Variants in KIF26B observed in about 807,000 individuals in gnomAD.
KIF26B encodes the protein kinesin family member 26B.
A neutral mutation model predicts 151.2 loss-of-function variants in KIF26B; 63 were observed. That is an observed-to-expected ratio of 0.42 (90% CI 0.34 to 0.51). The LOEUF (loss-of-function observed/expected upper bound fraction) is 0.51, where lower values mean the gene tolerates loss of function less well. Ranked by LOEUF, KIF26B falls within the 20% of genes least tolerant of loss-of-function variation. KIF26B has a pLI of 0.07. For synonymous variants in KIF26B, 1,357 were observed against 1,262.1 expected, an observed-to-expected ratio of 1.08 and a Z score of -1.59; for missense variants, 2,813 against 2,913.6, an observed-to-expected ratio of 0.97 and a Z score of 0.79.
intron 2 of KIF26B, among the ~76,000 whole-genome samples, chr1:245,207,312 G>GT (rs919656202): frequency 1.1e-4 from 16 of 152,312 alleles, no homozygotes; most frequent in Non-Finnish European, 2.1e-4. Flanking sequence ...GAGGGAAAGG[G>GT]TTTTTTTCAT....
chr1:245,199,756 T>A (rs1265537643), intron 2 of KIF26B, among the ~76,000 whole-genome samples: 1 of 152,172 alleles, frequency 6.6e-6, no homozygotes, highest in East Asian at 1.9e-4. Context: ...AGTGCTGGGA[T>A]TACAGGAGTG....
chr1:245,377,992 C>T (rs1167785256), intron 3 of KIF26B, among the ~76,000 whole-genome samples: 1 of 152,100 alleles, frequency 6.6e-6, no homozygotes, highest in African/African-American at 2.4e-5. Flanking sequence ...AGAATAACAG[C>T]CTCCTCTTCT....
chr1:245,522,839 A>G (rs1253757585), intron 4 of KIF26B, among the ~76,000 whole-genome samples: 1 of 152,236 alleles, frequency 6.6e-6, no homozygotes, highest in Non-Finnish European at 1.5e-5. Context: ...CAGGGCTTAC[A>G]GCAAAGGCAT....
chr1:245,238,977 CT>C, intron 2 of KIF26B, among the ~76,000 whole-genome samples: 1 of 152,336 alleles, frequency 6.6e-6, no homozygotes, highest in East Asian at 1.9e-4. Flanking sequence ...TGGTAGCAAA[CT>C]CTCTGTAGAC....
intron 3 of KIF26B, among the ~76,000 whole-genome samples, chr1:245,412,214 A>G (rs1638524153): frequency 6.6e-6 from 1 of 152,238 alleles, no homozygotes; most frequent in Admixed American, 6.5e-5. Context: ...ACTGTTTACA[A>G]AACTATAAAA....
At chr1:245,339,433 C>T (rs1381720383) in intron 2 of KIF26B, among the ~76,000 whole-genome samples, 2 of 152,152 alleles carry the variant, frequency 1.3e-5, no homozygotes, top group African/African-American at 2.4e-5. Flanking sequence ...CCTTGCACAG[C>T]CTAGCTAATA....
chr1:245,522,350 G>A (rs1001273776), intron 4 of KIF26B, among the ~76,000 whole-genome samples: 1 of 110,010 alleles, frequency 9.1e-6, no homozygotes, highest in Non-Finnish European at 2.1e-5. Flanking sequence ...GCTTAACACA[G>A]CATTTTGTTT....
At chr1:245,699,158 C>G in intron 14 of KIF26B, 121 bp downstream of exon 14, 1 of 1,061,232 alleles carries the variant, frequency 9.4e-7, no homozygotes, top group Non-Finnish European at 1.4e-6. Flanking sequence ...ACAGGATGCC[C>G]ATCAAATGGA....
At chr1:245,452,494 T>C (rs12743724) in intron 4 of KIF26B, among the ~76,000 whole-genome samples, 15,972 of 152,186 alleles carry the variant, frequency 0.1, 1,093 homozygotes, top group Non-Finnish European at 0.15. Context: ...CACTTGTATG[T>C]TTAGCTTTTT....
chr1:245,482,622 C>T lies in KIF26B; in HGVS notation c.1167-58145C>T, dbSNP rs191921818. Among the ~76,000 whole-genome samples the T allele has an allele frequency of 2.7e-3, 403 of 151,738 alleles. 5 individuals are homozygous for T. The highest frequency in any genetic ancestry group is 9.3e-3 in the African/African-American group (385 of 41,492). On this transcript the variant is annotated intron_variant, in intron 4 of 14. Transcript: ENST00000407071. ...TGAAATGTTCCTTTGAAATAAGAAG[C>T]GAGGGCACAGCTGGGTAGGAGAGGG...
intron 4 of KIF26B, among the ~76,000 whole-genome samples, chr1:245,463,185 C>T (rs934667816): frequency 1.6e-4 from 24 of 152,318 alleles, no homozygotes; most frequent in Middle Eastern, 3.4e-3. Flanking sequence ...TGCTCCCGGC[C>T]GCCCTTCAGC....
chr1:245,261,737 C>T (rs1670649696), intron 2 of KIF26B, among the ~76,000 whole-genome samples: 1 of 151,958 alleles, frequency 6.6e-6, no homozygotes, highest in Non-Finnish European at 1.5e-5. Flanking sequence ...GCATGCGCCA[C>T]CATGCCTGGC....
chr1:245,665,365 C>A (rs143101074), intron 10 of KIF26B, among the ~76,000 whole-genome samples: 73 of 152,292 alleles, frequency 4.8e-4, no homozygotes, highest in African/African-American at 1.7e-3. Flanking sequence ...TGGATTGACT[C>A]ATGAAGTATG....
intron 3 of KIF26B, among the ~76,000 whole-genome samples, chr1:245,418,244 T>A (rs1315176823): frequency 1.3e-5 from 2 of 152,188 alleles, no homozygotes; most frequent in African/African-American, 4.8e-5. Context: ...GGCTCTCTGC[T>A]CCGTCAGCAG....
chr1:245,655,554 G>T (rs549298296), intron 10 of KIF26B, among the ~76,000 whole-genome samples: 1 of 152,296 alleles, frequency 6.6e-6, no homozygotes, highest in Admixed American at 6.5e-5. Context: ...GGCTCTGCAC[G>T]AAAGTGAAGT....
intron 2 of KIF26B, among the ~76,000 whole-genome samples, chr1:245,262,714 C>G (rs1670670570): frequency 6.6e-6 from 1 of 152,184 alleles, no homozygotes; most frequent in Non-Finnish European, 1.5e-5. Flanking sequence ...CTCGGCCTCC[C>G]AAAGTGCTGG....
chr1:245,604,653 G>A (rs950753619), intron 6 of KIF26B, among the ~76,000 whole-genome samples: 5 of 152,136 alleles, frequency 3.3e-5, no homozygotes, highest in Non-Finnish European at 7.4e-5. Flanking sequence ...GACTATGAAT[G>A]CGTTTTAGAT....
Position 245,687,348 on chromosome 1 carries a change from C to T in KIF26B, c.4365C>T (p.Pro1455=), listed in dbSNP as rs777127676. The part of the protein sequence containing the change: ...EEEVKKETAH[P]NEEGMMRCET... ...AAGTGAAAAAAGAGACGGCTCATCC[C>T]AATGAAGAAGGGATGATGAGGTGTG... The change falls in exon 12 of 15, where the codon CCC becomes CCT. Residue 1455 remains proline, a synonymous_variant. Transcript: ENST00000407071. This position sits in a 1 kb window ranked among gnomAD's most constrained non-coding sequence, Gnocchi z 4.9. 1 of 1,594,994 alleles carries T rather than the reference C, an allele frequency of 6.3e-7. No homozygotes were observed. The highest frequency in any genetic ancestry group is 1.8e-5 in the Admixed American group (1 of 56,704).
chr1:245,519,561 AAAAAG>A (rs1388269116), intron 4 of KIF26B, among the ~76,000 whole-genome samples: 3 of 152,120 alleles, frequency 2.0e-5, no homozygotes, highest in African/African-American at 7.2e-5. Flanking sequence ...CTCAAAAAAA[AAAAAG>A]AAAAGAAAAA....
Sources: gnomAD v4.1 joint callset for allele counts (sites outside exome capture counted in the v4.1 genomes callset) on GRCh38, gnomAD v4.1.1 for gene constraint, Gnocchi (gnomAD v3.1) non-coding constraint, MANE v1.5 for transcripts, NCBI Gene and HGNC (gene_info 2026-07-23, HGNC 2026-07-21) for gene names.